WASF2: variants seen among roughly 807,000 people sequenced by gnomAD.
WASF2 encodes WASP family member 2, also known as actin-binding protein WASF2.
In WASF2, 14 loss-of-function variants were observed where a neutral mutation model predicts 45.0. The ratio of observed to expected loss-of-function variants is 0.31; its 90% CI spans 0.21 to 0.49. The LOEUF (loss-of-function observed/expected upper bound fraction) is 0.49. Among genes scored for constraint, WASF2 ranks in the 20% least tolerant of loss-of-function variants. The pLI, the probability that WASF2 is intolerant of heterozygous loss-of-function variation, is 0.99. For synonymous variants in WASF2, 200 were observed against 236.3 expected (o/e 0.85, Z 1.41); for missense variants, 439 against 636.1 (o/e 0.69, Z 3.33).
intron 1 of WASF2, among the ~76,000 whole-genome samples, chr1:27,487,690 A>T (rs1171321158): frequency 2.7e-5 from 3 of 110,012 alleles, no homozygotes; most frequent in East Asian, 2.2e-4. Flanking sequence ...ATAATATATA[A>T]TATATATTTT....
intron 7 of WASF2, among the ~76,000 whole-genome samples, chr1:27,412,073 T>A (rs964337125): frequency 2.0e-5 from 3 of 152,200 alleles, no homozygotes; most frequent in Admixed American, 1.3e-4. Context: ...CATTGTAACA[T>A]GGGGATAGTA....
intron 1 of WASF2, among the ~76,000 whole-genome samples, chr1:27,489,348 TACACACACACACACACACAC>T (rs10636716): frequency 5.0e-4 from 5 of 10,098 alleles, no homozygotes; most frequent in African/African-American, 7.5e-4. Flanking sequence ...TACTTCATGG[TACACACACACACACACACAC>T]ACACACACAC....
chr1:27,425,822 G>A (rs1234951620), intron 2 of WASF2, among the ~76,000 whole-genome samples: 6 of 134,796 alleles, frequency 4.5e-5, no homozygotes, highest in African/African-American at 1.7e-4. Context: ...CTGGGCAACA[G>A]AGTGAGACTC....
chr1:27,409,939 A>G lies in WASF2; in HGVS notation c.1092T>C (p.Pro364=), dbSNP rs760430262. The G allele has an allele frequency of 1.9e-6, 3 of 1,604,752 alleles. No individual in the cohort carries two copies. The highest frequency in any genetic ancestry group is 2.6e-6 in the Non-Finnish European group (3 of 1,175,376). The change falls in exon 8 of 9, where the codon CCT becomes CCC. Residue 364 remains proline (P), a synonymous_variant. Coordinates refer to ENST00000618852, the MANE Select transcript of WASF2 (RefSeq NM_006990.5). The part of the protein sequence containing the change: ...SFPPHPDFAA[P]PPPPPPPAAD... ...CTGCTGGTGGTGGAGGAGGAGGTGG[A>G]GGGGCAGCAAAATCAGGGTGAGGTG... is the stretch of plus-strand genomic sequence containing the variant.
intron 1 of WASF2, among the ~76,000 whole-genome samples, chr1:27,467,590 C>G (rs1010815117): frequency 6.6e-6 from 1 of 151,134 alleles, no homozygotes; most frequent in African/African-American, 2.4e-5. Context: ...CGTGAGCCAC[C>G]ACGCCTAGCC....
intron 1 of WASF2, among the ~76,000 whole-genome samples, chr1:27,452,417 G>A (rs2017395885): frequency 6.6e-6 from 1 of 152,196 alleles, no homozygotes; most frequent in Non-Finnish European, 1.5e-5. Context: ...GGAAACTGAG[G>A]CAGGAGAATC....
intron 2 of WASF2, among the ~76,000 whole-genome samples, chr1:27,420,125 A>T (rs2016885776): frequency 6.6e-6 from 1 of 151,994 alleles, no homozygotes; most frequent in East Asian, 1.9e-4. Context: ...GGCTGGTCTC[A>T]AACTCCTGGC....
intron 1 of WASF2, among the ~76,000 whole-genome samples, chr1:27,481,268 C>T (rs1012649410): frequency 5.9e-5 from 9 of 151,904 alleles, no homozygotes; most frequent in African/African-American, 2.2e-4. Context: ...CACGCCACTG[C>T]ACTCCAGCCT....
intron 1 of WASF2, among the ~76,000 whole-genome samples, chr1:27,440,932 T>C (rs2017217018): frequency 6.6e-6 from 1 of 151,952 alleles, no homozygotes; most frequent in African/African-American, 2.4e-5. Flanking sequence ...AGTAGCACAA[T>C]CTCAGCTCAC....
At position 27,456,152 on chromosome 1, in the gene WASF2, C is replaced by T. The variant is rs542477409; in HGVS notation, c.-43-27219G>A. On this transcript the variant is annotated intron_variant, in intron 1 of 8. Coordinates refer to ENST00000618852, the MANE Select transcript of WASF2 (RefSeq NM_006990.5). ...CCTGGCTAACACAATAAAACCCCATCGCTACTAAAAATACAAAAAATTAGC... is the reference window on the plus strand; with the variant it reads ...CCTGGCTAACACAATAAAACCCCATTGCTACTAAAAATACAAAAAATTAGC... Among the ~76,000 whole-genome samples, 4 of 152,020 alleles carry T rather than the reference C, an allele frequency of 2.6e-5. No homozygotes were observed. The South Asian group carries it at 8.3e-4, about 32-fold the overall frequency.
chr1:27,427,059 C>T (rs1265117304), intron 2 of WASF2, among the ~76,000 whole-genome samples: 2 of 152,148 alleles, frequency 1.3e-5, no homozygotes, highest in South Asian at 4.1e-4. Context: ...GAGACAATTT[C>T]TTATTATTGC....
At chr1:27,417,262 C>A (rs1289951308) in intron 4 of WASF2, among the ~76,000 whole-genome samples, 1 of 152,212 alleles carries the variant, frequency 6.6e-6, no homozygotes, top group Non-Finnish European at 1.5e-5. Flanking sequence ...TGCCCCACAA[C>A]CCCTCTGCCC....
chr1:27,445,334 A>C (rs951305985), intron 1 of WASF2, among the ~76,000 whole-genome samples: 1 of 152,226 alleles, frequency 6.6e-6, no homozygotes, highest in Non-Finnish European at 1.5e-5. Flanking sequence ...ACAGACAGAC[A>C]GCTTTCAAAC....
At chr1:27,470,644 G>A (rs545103960) in intron 1 of WASF2, among the ~76,000 whole-genome samples, 1 of 149,648 alleles carries the variant, frequency 6.7e-6, no homozygotes, top group African/African-American at 2.4e-5. Flanking sequence ...AAAATGAAGA[G>A]CAGTAAGTCA....
At chr1:27,486,987 T>C (rs2017937126) in intron 1 of WASF2, among the ~76,000 whole-genome samples, 1 of 147,918 alleles carries the variant, frequency 6.8e-6, no homozygotes, top group African/African-American at 2.5e-5. Flanking sequence ...ATAATCTATA[T>C]ATTTACATAT....
chr1:27,415,608 C>T (rs1571121210), intron 5 of WASF2, among the ~76,000 whole-genome samples: 1 of 151,002 alleles, frequency 6.6e-6, no homozygotes, highest in African/African-American at 2.4e-5. Flanking sequence ...GCAAATCAAA[C>T]ACTGCAGAAC....
intron 1 of WASF2, among the ~76,000 whole-genome samples, chr1:27,446,246 A>AAT (rs1048796210): frequency 1.6e-4 from 25 of 152,182 alleles, no homozygotes; most frequent in African/African-American, 5.1e-4. Flanking sequence ...TATCTCTTTC[A>AAT]ATATATATAT....
Position 27,410,273 on chromosome 1 carries a change from C to T in WASF2, c.825-67G>A. 1 of 1,589,176 alleles carries T rather than the reference C, an allele frequency of 6.3e-7. No homozygotes were observed. On this transcript the variant is annotated intron_variant, in intron 7 of 8. Coordinates refer to ENST00000618852, the MANE Select transcript of WASF2 (RefSeq NM_006990.5). This position sits in a 1 kb window ranked among gnomAD's most constrained non-coding sequence, Gnocchi z 4.2. ...ATGCAGACACCTATCTACAGTTAGC[C>T]TTGTCTACAGACCGAGGTTTATCTT...
At position 27,418,855 on chromosome 1, in the gene WASF2, T is replaced by C. The variant is rs2016862084; in HGVS notation, c.265+99A>G. 4 of 1,419,712 alleles carry C rather than the reference T, an allele frequency of 2.8e-6. No homozygotes were observed. The Admixed American group carries it at 1.0e-4, about 36-fold the overall frequency. The allele number at this position is 1,419,712 out of a possible 1,614,324, so 87.9% of individuals were successfully genotyped here. ...GCAGAACTCTATAGGTCTCTGTGAT[T>C]TCTCTCCTCACGTTTTTTTTTTTTT... On this transcript the variant is annotated intron_variant, in intron 3 of 8. Coordinates refer to ENST00000618852, the MANE Select transcript of WASF2 (RefSeq NM_006990.5).
Sources: gnomAD v4.1 joint callset for allele counts (sites outside exome capture counted in the v4.1 genomes callset) on GRCh38, gnomAD v4.1.1 for gene constraint, Gnocchi (gnomAD v3.1) non-coding constraint, MANE v1.5 for transcripts, NCBI Gene and HGNC (gene_info 2026-07-23, HGNC 2026-07-21) for gene names.